The following ZNF268 variants were observed in gnomAD, a reference collection of about 807,000 sequenced individuals.
The protein encoded by ZNF268 is zinc finger protein 268.
ZNF268 carries 20 observed loss-of-function variants against 29.3 expected under a neutral mutation model. The ratio of observed to expected loss-of-function variants is 0.68; its 90% confidence interval spans 0.48 to 0.99. ZNF268 has a LOEUF of 0.99. ZNF268 is among the 50% of genes least tolerant of loss of function. The probability of loss-of-function intolerance (pLI) is 0.00; values close to 1 mark genes in which losing one functional copy is unlikely to be tolerated. For missense variants in ZNF268, 1,240 were observed against 1,121.6 expected, an observed-to-expected ratio of 1.11 and a Z score of -1.51; for synonymous variants, 429 against 376.9, an observed-to-expected ratio of 1.14 and a Z score of -1.60.
chr12:133,205,901 G>T lies in ZNF268; in HGVS notation c.*1371G>T, dbSNP rs1437831722. ...GCTCAGAACTGTACATTGTTAATGGGTTTTTCAAGTTCAGAAAAGCAACAT... is the reference window on the plus strand; with the variant it reads ...GCTCAGAACTGTACATTGTTAATGGTTTTTTCAAGTTCAGAAAAGCAACAT... On this transcript the variant is annotated 3_prime_UTR_variant, in exon 6 of 6. Coordinates refer to ENST00000536435, the MANE Select transcript of ZNF268 (RefSeq NM_003415.3). The T allele has an allele frequency of 6.6e-6, 1 of 152,188 alleles. No individual in the cohort carries two copies. The highest frequency in any genetic ancestry group is 1.5e-5 in the Non-Finnish European group (1 of 68,030). 9.4% of individuals were successfully genotyped at this position (152,188 alleles called of 1,614,324 possible). A position where few individuals can be genotyped will look rare whatever the true frequency, so the allele number is the denominator to read the frequency against.
intron 5 of ZNF268, among the ~76,000 whole-genome samples, chr12:133,198,097 G>A (rs1448380131): frequency 6.6e-6 from 1 of 151,786 alleles, no homozygotes; most frequent in African/African-American, 2.4e-5. Flanking sequence ...TTCTAGACAT[G>A]AAGTCCTTGC....
In ZNF268 at chr12:133,203,904, A is replaced by G. The variant is rs1485379788; in HGVS notation, c.2218A>G (p.Ile740Val). 43 of 1,583,396 alleles carry G rather than the reference A, an allele frequency of 2.7e-5. No homozygotes were observed. Among genetic ancestry groups the G allele is most frequent in the Non-Finnish European group, 3.3e-5 (38 of 1,167,484 alleles). Residue 740 changes from isoleucine to valine, a missense_variant, in exon 6 of 6, where the codon ATT becomes GTT. Coordinates refer to ENST00000536435, the MANE Select transcript of ZNF268 (RefSeq NM_003415.3). ...GKSFSFNSQL[I>V]VHQRIHTGEN... is the part of the protein sequence containing the mutation. ...ATCCTTTAGTTTCAATTCACAACTC[A>G]TTGTGCATCAGAGAATTCACACAGG... is the stretch of plus-strand genomic sequence containing the variant.
Position 133,203,324 on chromosome 12 carries a change from T to C in ZNF268, c.1638T>C (p.His546=), listed in dbSNP as rs762024700. The change falls in exon 6 of 6, where the codon CAT becomes CAC. Residue 546 remains histidine, a synonymous_variant. Transcript: ENST00000536435. ...GTTTTAAATCACAGCTCATTATACA[T>C]CAGAGGATTCATACAGGAGAGAACC... is the stretch of plus-strand genomic sequence containing the variant. ...AFSFKSQLII[H]QRIHTGENPY... The C allele has an allele frequency of 6.5e-7, 1 of 1,544,770 alleles. No individual in the cohort carries two copies. The highest frequency in any genetic ancestry group is 1.2e-5 in the South Asian group (1 of 84,374).
rs866420087 is a variant in ZNF268 at position 133,202,173 on chromosome 12, G to T, written c.487G>T (p.Asp163Tyr). ...AGTCTGGAAAATTGATGATCTTATG[G>T]ATTGGCATCAGGAAAATAAAGACAA... Reference protein sequence around the residue: ...NTVWKIDDLMDWHQENKDKLG... With the variant: ...NTVWKIDDLMYWHQENKDKLG... Residue 163 changes from aspartate to tyrosine, a missense_variant, in exon 6 of 6, where the codon GAT becomes TAT. By Grantham distance (160) the Asp-to-Tyr change is radical. Around this residue, in one of 3 missense-constraint regions of ZNF268, gnomAD observed 1,177 missense variants for 1,039.6 expected, o/e 1.13. Coordinates refer to ENST00000536435, the MANE Select transcript of ZNF268 (RefSeq NM_003415.3). 1 of 1,597,734 alleles carries T rather than the reference G, an allele frequency of 6.3e-7. No individual in the cohort carries two copies. The highest frequency in any genetic ancestry group is 8.5e-7 in the Non-Finnish European group (1 of 1,172,450).
chr12:133,211,511 G>A lies in ZNF268; in HGVS notation c.*6981G>A, dbSNP rs1001044615. The A allele has an allele frequency of 2.5e-5, 4 of 161,186 alleles. No homozygotes were observed. The highest frequency in any genetic ancestry group is 5.4e-5 in the Non-Finnish European group (4 of 73,446). 10.0% of individuals were successfully genotyped at this position (161,186 alleles called of 1,614,324 possible). A position where few individuals can be genotyped will look rare whatever the true frequency, so the allele number is the denominator to read the frequency against. ...GGAGGCAGGAGAATGGCTTGAACCC[G>A]GGAGGCGGAGGTTGCTGTGAGCCGA... On this transcript the variant is annotated 3_prime_UTR_variant, in exon 6 of 6. Transcript: ENST00000536435.
chr12:133,191,161 A>G (rs1956461694), intron 3 of ZNF268, among the ~76,000 whole-genome samples: 1 of 152,018 alleles, frequency 6.6e-6, no homozygotes, highest in Admixed American at 6.6e-5. Flanking sequence ...CTAAAAATAC[A>G]AAAAAATCAG....
Position 133,203,739 on chromosome 12 carries a change from G to A in ZNF268, c.2053G>A (p.Val685Ile). Residue 685 changes from valine (V) to isoleucine (I), a missense_variant, in exon 6 of 6, where the codon GTA (valine) becomes ATA (isoleucine). Val to Ile is a conservative substitution (Grantham distance 29). Transcript: ENST00000536435. ...KTFSLKSQLI[V>I]HQRSHTGVKP... ...CTTTAGTTTGAAGTCCCAGCTCATTGTACATCAGAGAAGTCACACAGGAGT... is the reference window on the plus strand; with the variant it reads ...CTTTAGTTTGAAGTCCCAGCTCATTATACATCAGAGAAGTCACACAGGAGT... 6.4e-7 allele frequency: 1 copy of A among 1,555,980 alleles called. No homozygotes were observed. Among genetic ancestry groups the A allele is most frequent in the Non-Finnish European group, 8.6e-7 (1 of 1,157,084 alleles).
Position 133,205,760 on chromosome 12 carries a change from A to G in ZNF268, c.*1230A>G, listed in dbSNP as rs1043504173. On this transcript the variant is annotated 3_prime_UTR_variant, in exon 6 of 6. Transcript: ENST00000536435. ...GGAATCTATTCTACCTTCACAGGTT[A>G]GAACATCTTGATTTCCTCTTAACGA... 2.0e-5 allele frequency: 3 copies of G among 152,204 alleles called. No individual in the cohort carries two copies. Among genetic ancestry groups the G allele is most frequent in the Non-Finnish European group, 4.4e-5 (3 of 68,032 alleles). The allele number at this position is 152,204 out of a possible 1,614,324, so 9.4% of individuals were successfully genotyped here.
At position 133,206,895 on chromosome 12, in the gene ZNF268, C is replaced by T. The variant is rs1041237377; in HGVS notation, c.*2365C>T. 4 of 151,238 alleles carry T rather than the reference C, an allele frequency of 2.6e-5. No homozygotes were observed. The highest frequency in any genetic ancestry group is 1.9e-4 in the East Asian group (1 of 5,196). 9.4% of individuals were successfully genotyped at this position (151,238 alleles called of 1,614,324 possible). A position where few individuals can be genotyped will look rare whatever the true frequency, so the allele number is the denominator to read the frequency against. On this transcript the variant is annotated 3_prime_UTR_variant, in exon 6 of 6. Coordinates refer to ENST00000536435, the MANE Select transcript of ZNF268 (RefSeq NM_003415.3). ...ATTATTATTGATGTACCAAAGAAGA[C>T]AGAATAAATTCATAAGAGAAAGTTT...
At position 133,191,920 on chromosome 12, in the gene ZNF268, C is replaced by T. The variant is rs1399968228; in HGVS notation, c.374C>T (p.Thr125Ile). The change falls in exon 5 of 6, where the codon ACC becomes ATC. Residue 125 changes from threonine (T) to isoleucine (I), a missense_variant. Thr to Ile is a moderately conservative substitution (Grantham distance 89, BLOSUM62 -1). Transcript: ENST00000536435. ...TTTCTATTTATAGGGTACCAACACA[C>T]CAAACCTGATATCATCTTCAAGTTG... is the stretch of plus-strand genomic sequence containing the variant. Reference protein sequence around the residue: ...SNLVSLGYQHTKPDIIFKLEQ... With the variant: ...SNLVSLGYQHIKPDIIFKLEQ... 2 of 1,614,044 alleles carry T rather than the reference C, an allele frequency of 1.2e-6. No homozygotes were observed.
chr12:133,189,794 ATAAT>A (rs1207244877), intron 3 of ZNF268, among the ~76,000 whole-genome samples: 2 of 152,076 alleles, frequency 1.3e-5, no homozygotes, highest in African/African-American at 4.8e-5. Context: ...TAGATATGTA[ATAAT>A]TAAGCTTATC....
chr12:133,206,262 T>G lies in ZNF268; in HGVS notation c.*1732T>G, dbSNP rs1366054530. 6.6e-6 allele frequency: 1 copy of G among 152,172 alleles called. No homozygotes were observed. The highest frequency in any genetic ancestry group is 2.4e-5 in the African/African-American group (1 of 41,444). 9.4% of individuals were successfully genotyped at this position (152,172 alleles called of 1,614,324 possible). ...TGGCCCATGCTATGAAGTCATGAAA[T>G]GAATTGTTGGCATCATGTGCTCACT... On this transcript the variant is annotated 3_prime_UTR_variant, in exon 6 of 6. Transcript: ENST00000536435.
At chr12:133,199,415 A>C (rs1246167198) in intron 5 of ZNF268, among the ~76,000 whole-genome samples, 1 of 142,716 alleles carries the variant, frequency 7.0e-6, no homozygotes, top group Non-Finnish European at 1.6e-5. Context: ...AAGCTTTTTG[A>C]TGTGCTGCTG....
At chr12:133,192,091 C>A in intron 5 of ZNF268, 88 bp downstream of exon 5, 3 of 1,023,180 alleles carry the variant, frequency 2.9e-6, no homozygotes, top group Non-Finnish European at 4.3e-6. Context: ...TACTTTGCCT[C>A]GTGTATTACC....
chr12:133,191,942 G>T lies in ZNF268; in HGVS notation c.396G>T (p.Lys132Asn), dbSNP rs1956485998. 1.2e-6 allele frequency: 2 copies of T among 1,614,084 alleles called. No individual in the cohort carries two copies. The highest frequency in any genetic ancestry group is 1.7e-6 in the Non-Finnish European group (2 of 1,180,002). Residue 132 changes from lysine to asparagine, a missense_variant, in exon 5 of 6, where the codon AAG becomes AAT. By Grantham distance (94) the Lys-to-Asn change is moderately conservative (BLOSUM62 0). Coordinates refer to ENST00000536435, the MANE Select transcript of ZNF268 (RefSeq NM_003415.3). Reference protein sequence around the residue: ...YQHTKPDIIFKLEQGEELCMV... With the variant: ...YQHTKPDIIFNLEQGEELCMV... ...ACACCAAACCTGATATCATCTTCAAGTTGGAACAAGGAGAAGAGCTGTGTA... is the reference window on the plus strand; with the variant it reads ...ACACCAAACCTGATATCATCTTCAATTTGGAACAAGGAGAAGAGCTGTGTA...
rs1379157201 is a variant in ZNF268, at chr12:133,202,251, C to T, written c.565C>T (p.Leu189Phe). 1.2e-6 allele frequency: 2 copies of T among 1,612,050 alleles called. No homozygotes were observed. Among genetic ancestry groups the T allele is most frequent in the Non-Finnish European group, 1.7e-6 (2 of 1,179,076 alleles). ...ATGCACTACATTTGGAAAACTATGT[C>T]TTCTTAGTACAAAGTATCTTTCAAG... ...FECTTFGKLCLLSTKYLSRQK... is the reference protein window; with the variant it reads ...FECTTFGKLCFLSTKYLSRQK... The change falls in exon 6 of 6, where the codon CTT (leucine) becomes TTT (phenylalanine). Residue 189 changes from leucine (L) to phenylalanine (F), a missense_variant. Leu to Phe is a conservative substitution (Grantham distance 22). Around this residue, in one of 3 missense-constraint regions of ZNF268, gnomAD observed 1,177 missense variants for 1,039.6 expected, o/e 1.13. Transcript: ENST00000536435.
intron 5 of ZNF268, among the ~76,000 whole-genome samples, chr12:133,199,749 CCTGG>C (rs1956705088): frequency 6.6e-6 from 1 of 152,190 alleles, no homozygotes; most frequent in Admixed American, 6.5e-5. Context: ...TCAACTTCTT[CCTGG>C]TTTAGTCTTG....
rs986575007 is a variant in ZNF268, at chr12:133,207,137, T to A, written c.*2607T>A. On this transcript the variant is annotated 3_prime_UTR_variant, in exon 6 of 6. Transcript: ENST00000536435. ...ATTGAGTTACTGGTTTGTAAATCTATCTAGTCCTTCTACCCCAGCCCCAGA... is the reference window on the plus strand; with the variant it reads ...ATTGAGTTACTGGTTTGTAAATCTAACTAGTCCTTCTACCCCAGCCCCAGA... The A allele has an allele frequency of 6.6e-6, 1 of 152,204 alleles. No homozygotes were observed. The highest frequency in any genetic ancestry group is 1.5e-5 in the Non-Finnish European group (1 of 68,040). The allele number at this position is 152,204 out of a possible 1,614,324, so 9.4% of individuals were successfully genotyped here. A position where few individuals can be genotyped will look rare whatever the true frequency, so the allele number is the denominator to read the frequency against.
intron 5 of ZNF268, among the ~76,000 whole-genome samples, 199 bp downstream of exon 5, chr12:133,192,202 G>A (rs763633518): frequency 1.3e-5 from 2 of 151,462 alleles, no homozygotes; most frequent in Non-Finnish European, 2.9e-5. Context: ...CTGCCTCCTG[G>A]GTTCAAGCAA....
Sources: gnomAD v4.1 joint callset for allele counts (sites outside exome capture counted in the v4.1 genomes callset) on GRCh38, gnomAD v4.1.1 for gene constraint, gnomAD v4.1.1 regional missense constraint, MANE v1.5 for transcripts, NCBI Gene and HGNC (gene_info 2026-07-23, HGNC 2026-07-21) for gene names.